SUN1: variants seen among roughly 807,000 people sequenced by gnomAD.
The protein encoded by SUN1 is SUN domain-containing protein 1.
Under a neutral mutation model 103.2 loss-of-function variants are expected in SUN1, and 61 were observed. That is an observed-to-expected ratio of 0.59 (90% CI 0.48 to 0.73). The LOEUF is 0.73. Among genes scored for constraint, SUN1 ranks in the 30% least tolerant of loss-of-function variants. The probability of loss-of-function intolerance (pLI) is 0.00; values close to 1 mark genes in which losing one functional copy is unlikely to be tolerated. For synonymous variants in SUN1, 490 were observed against 425.7 expected, an observed-to-expected ratio of 1.15 and a Z score of -1.86; for missense variants, 1,052 against 1,034.6, an observed-to-expected ratio of 1.02 and a Z score of -0.23.
intron 1 of SUN1, among the ~76,000 whole-genome samples, chr7:825,353 C>T (rs1790715738): frequency 6.6e-6 from 1 of 152,180 alleles, no homozygotes; most frequent in African/African-American, 2.4e-5. Flanking sequence ...TGAGCCACCG[C>T]ACTTGGCCTA....
At chr7:838,524 T>C (rs1301705083) in intron 1 of SUN1, among the ~76,000 whole-genome samples, 2 of 152,096 alleles carry the variant, frequency 1.3e-5, no homozygotes, top group Non-Finnish European at 2.9e-5. Flanking sequence ...CCTCAAGCAG[T>C]TCTTAGGGTG....
chr7:860,225 T>G lies in SUN1; in HGVS notation c.1622T>G (p.Phe541Cys), dbSNP rs1237039503. 10 of 1,614,056 alleles carry G rather than the reference T, an allele frequency of 6.2e-6. No individual in the cohort carries two copies. The highest frequency in any genetic ancestry group is 7.6e-6 in the Non-Finnish European group (9 of 1,180,036). The stretch of plus-strand genomic sequence containing the variant: ...CTGCTGCAGAGGTTCTCATCACAGT[T>G]TGTGAGCAAAGGCGACTTGCAGACG... ...EQLLQRFSSQ[F>C]VSKGDLQTML... The change falls in exon 14 of 19, where the codon TTT becomes TGT. Residue 541 changes from phenylalanine (F) to cysteine (C), a missense_variant. Physicochemically the swap from Phe to Cys is radical, Grantham distance 205. Coordinates refer to ENST00000401592, the MANE Select transcript of SUN1 (RefSeq NM_001130965.3).
At chr7:836,866 G>A (rs1803760172) in intron 1 of SUN1, among the ~76,000 whole-genome samples, 1 of 152,218 alleles carries the variant, frequency 6.6e-6, no homozygotes, top group Non-Finnish European at 1.5e-5. Flanking sequence ...GATGGCATCT[G>A]GCTTTTCTGG....
At chr7:828,124 G>C (rs763175376), upstream of SUN1, among the ~76,000 whole-genome samples, 41 of 151,166 alleles carry the variant, frequency 2.7e-4, no homozygotes, top group Non-Finnish European at 5.2e-4. Flanking sequence ...GGCTGGTCTC[G>C]AACTCCTGAC....
In SUN1 at chr7:853,483, C is replaced by A; in HGVS notation, c.1128C>A (p.Cys376Ter). Residue 376 changes from cysteine (C) to a stop codon, truncating the protein, a stop_gained, in exon 10 of 19, where the codon TGC becomes TGA. Coordinates refer to ENST00000401592, the MANE Select transcript of SUN1 (RefSeq NM_001130965.3). LOFTEE classifies it high-confidence loss of function. ...EQQVASLSGQ[C>*]HHHGENLREL... is the part of the protein sequence containing the mutation. ...AGGTGGCCTCTCTGTCTGGACAGTGCCACCACCATGGTGAGAATCTCCGAG... is the reference window on the plus strand; with the variant it reads ...AGGTGGCCTCTCTGTCTGGACAGTGACACCACCATGGTGAGAATCTCCGAG... The A allele has an allele frequency of 6.2e-7, 1 of 1,613,946 alleles. No individual in the cohort carries two copies. The highest frequency in any genetic ancestry group is 8.5e-7 in the Non-Finnish European group (1 of 1,180,046).
chr7:842,345 T>C lies in SUN1; in HGVS notation c.451+215T>C, dbSNP rs1810904960. ...TCCTCAGACTTGATCAGGACGCTCCTTGGAAGCTGCTTCCATGTGCGCCTT... is the reference window on the plus strand; with the variant it reads ...TCCTCAGACTTGATCAGGACGCTCCCTGGAAGCTGCTTCCATGTGCGCCTT... On this transcript the variant is annotated intron_variant, in intron 3 of 18. Coordinates refer to ENST00000401592, the MANE Select transcript of SUN1 (RefSeq NM_001130965.3). 7.0e-6 allele frequency: 4 copies of C among 569,770 alleles called. No individual in the cohort carries two copies. The South Asian group carries it at 9.3e-5, about 13-fold the overall frequency. The allele number at this position is 569,770 out of a possible 1,614,324, so 35.3% of individuals were successfully genotyped here.
chr7:837,496 A>G (rs1227135434), intron 1 of SUN1, among the ~76,000 whole-genome samples: 1 of 152,206 alleles, frequency 6.6e-6, no homozygotes, highest in African/African-American at 2.4e-5. Flanking sequence ...TTAAAAGAAC[A>G]GTGCATAACT....
Position 870,810 on chromosome 7 carries a change from C to T in SUN1, c.2148+1294C>T, listed in dbSNP as rs535687411. Among the ~76,000 whole-genome samples the T allele has an allele frequency of 8.9e-4, 136 of 152,060 alleles. 1 individual carries two copies. The highest frequency in any genetic ancestry group is 3.2e-3 in the African/African-American group (132 of 41,468). ...GACGAGACACTCACAGGTGGCGTCACGGTTTCAGAGGGCAGCAGCATGTTG... is the reference window on the plus strand; with the variant it reads ...GACGAGACACTCACAGGTGGCGTCATGGTTTCAGAGGGCAGCAGCATGTTG... On this transcript the variant is annotated intron_variant, in intron 17 of 18. Coordinates refer to ENST00000401592, the MANE Select transcript of SUN1 (RefSeq NM_001130965.3).
intron 15 of SUN1, among the ~76,000 whole-genome samples, chr7:862,256 G>GT (rs901577495): frequency 6.1e-4 from 93 of 152,358 alleles, no homozygotes; most frequent in African/African-American, 2.0e-3. Flanking sequence ...GTACACGTTA[G>GT]TGTGTGGAGG....
chr7:871,599 A>C (rs1841750976), intron 17 of SUN1, among the ~76,000 whole-genome samples: 1 of 152,222 alleles, frequency 6.6e-6, no homozygotes, highest in Admixed American at 6.5e-5. Flanking sequence ...CATGTTGGCC[A>C]GGATGGTCTC....
At chr7:872,929 A>G (rs1842736628) in intron 18 of SUN1, among the ~76,000 whole-genome samples, 3 of 152,206 alleles carry the variant, frequency 2.0e-5, no homozygotes, top group Non-Finnish European at 1.5e-5. Context: ...TCTACTAAAA[A>G]TACAAAAATG....
At chr7:832,412 G>T, upstream of SUN1, 2 of 1,053,326 alleles carry the variant, frequency 1.9e-6, no homozygotes, top group Non-Finnish European at 2.9e-6. Context: ...CCTGAGTTGA[G>T]TTGCGTGTAG....
At chr7:869,313 T>C in intron 16 of SUN1, 36 bp from the exon 17 acceptor site, 1 of 1,603,348 alleles carries the variant, frequency 6.2e-7, no homozygotes, top group South Asian at 1.1e-5. Context: ...AAGAGCATGC[T>C]CACACTCTGA....
Position 843,406 on chromosome 7 carries a change from G to T in SUN1, c.544G>T (p.Gly182Cys). The change falls in exon 5 of 19, where the codon GGC (glycine) becomes TGC (cysteine). Residue 182 changes from glycine (G) to cysteine (C), a missense_variant. Coordinates refer to ENST00000401592, the MANE Select transcript of SUN1 (RefSeq NM_001130965.3). ...AGCCGCCGCCGCCACCGCGCACAAC[G>T]GCTTCTCCTGCAGCAACTGCAGCAT... ...VGAAAATAHNGFSCSNCSMLS... is the reference protein window; with the variant it reads ...VGAAAATAHNCFSCSNCSMLS... The T allele has an allele frequency of 6.2e-7, 1 of 1,613,388 alleles. No individual in the cohort carries two copies. The highest frequency in any genetic ancestry group is 1.3e-5 in the African/African-American group (1 of 75,058).
intron 1 of SUN1, 44 bp downstream of exon 1, chr7:832,645 A>C: frequency 6.5e-7 from 1 of 1,531,950 alleles, no homozygotes; most frequent in Admixed American, 1.8e-5. Context: ...TGCAATGCCC[A>C]CTCGCTGTCG....
rs986633710 is a variant in SUN1 at position 860,396 on chromosome 7, T to C, written c.1779+14T>C. Reference sequence around the variant, plus strand: ...ATAACAGAGGCGGTGAGTCGGCGAGTCGGCGGCAAGAGATGCTTACAGTCC... The same window carrying C: ...ATAACAGAGGCGGTGAGTCGGCGAGCCGGCGGCAAGAGATGCTTACAGTCC... On this transcript the variant is annotated intron_variant, in intron 14 of 18. Coordinates refer to ENST00000401592, the MANE Select transcript of SUN1 (RefSeq NM_001130965.3). 1.2e-6 allele frequency: 2 copies of C among 1,609,284 alleles called. No individual in the cohort carries two copies. Among genetic ancestry groups the C allele is most frequent in the African/African-American group, 2.7e-5 (2 of 74,650 alleles).
chr7:838,700 TC>T, intron 1 of SUN1, 97 bp from the exon 2 acceptor site: 2 of 1,253,122 alleles, frequency 1.6e-6, no homozygotes, highest in Non-Finnish European at 2.1e-6. Context: ...CTCTTGAAAA[TC>T]CACAGTACAT....
chr7:858,869 G>A (rs570221961), intron 13 of SUN1, among the ~76,000 whole-genome samples: 5 of 152,238 alleles, frequency 3.3e-5, no homozygotes, highest in South Asian at 2.1e-4. Flanking sequence ...GAAAGCATGC[G>A]ATAGGCCGGG....
At chr7:850,767 T>TAAAAAAAAA (rs771076592) in intron 5 of SUN1, 7 of 125,548 alleles carry the variant, frequency 5.6e-5, no homozygotes, top group South Asian at 2.5e-4. Context: ...TCTCTTAAAT[T>TAAAAAAAAA]AAAAAAAAAA....
Sources: gnomAD v4.1 joint callset for allele counts (sites outside exome capture counted in the v4.1 genomes callset) on GRCh38, gnomAD v4.1.1 for gene constraint, MANE v1.5 for transcripts, NCBI Gene and HGNC (gene_info 2026-07-23, HGNC 2026-07-21) for gene names.